The following LDAH variants were observed in gnomAD, a reference collection of about 807,000 sequenced individuals.
LDAH encodes the protein lipid droplet associated hydrolase, also known as lipid droplet-associated hydrolase.
Under a neutral mutation model 29.6 loss-of-function variants are expected in LDAH, and 26 were observed. The observed-to-expected ratio is 0.88, with a 90% CI of 0.64 to 1.22. LDAH has a LOEUF of 1.22. Ranked by LOEUF, LDAH falls within the 50% of genes most tolerant of loss-of-function variation. The probability of loss-of-function intolerance (pLI) is 0.00; values close to 1 mark genes in which losing one functional copy is unlikely to be tolerated. For synonymous variants in LDAH, 117 were observed against 133.0 expected (o/e 0.88, Z 0.83); for missense variants, 344 against 387.3 (o/e 0.89, Z 0.94).
intron 6 of LDAH, among the ~76,000 whole-genome samples, chr2:20,695,641 G>C (rs1161643791): frequency 6.6e-6 from 1 of 151,800 alleles, no homozygotes. Flanking sequence ...GTGGAGACGG[G>C]GTTTCACCAT....
chr2:20,730,992 ATTC>A (rs1296237878), intron 5 of LDAH, among the ~76,000 whole-genome samples: 4 of 152,220 alleles, frequency 2.6e-5, no homozygotes, highest in Admixed American at 1.3e-4. Context: ...CTTCCACTTT[ATTC>A]TTCTTTTACA....
chr2:20,778,239 C>G (rs1669948623), intron 3 of LDAH, among the ~76,000 whole-genome samples: 1 of 152,168 alleles, frequency 6.6e-6, no homozygotes, highest in Non-Finnish European at 1.5e-5. Flanking sequence ...ACAATTTTCT[C>G]TTAGAACCTG....
At chr2:20,782,805 C>A (rs1670286182) in intron 3 of LDAH, among the ~76,000 whole-genome samples, 1 of 151,832 alleles carries the variant, frequency 6.6e-6, no homozygotes, top group Non-Finnish European at 1.5e-5. Flanking sequence ...CTAATAATTT[C>A]TTGTTTTCAA....
chr2:20,779,864 A>C (rs773421268), intron 3 of LDAH, among the ~76,000 whole-genome samples: 2 of 152,178 alleles, frequency 1.3e-5, no homozygotes, highest in South Asian at 2.1e-4. Context: ...TGTAGGGAAA[A>C]TCACCATTGA....
intron 6 of LDAH, among the ~76,000 whole-genome samples, chr2:20,688,978 A>G (rs997065478): frequency 1.3e-5 from 2 of 151,500 alleles, no homozygotes; most frequent in Admixed American, 1.3e-4. Flanking sequence ...TCCTAATGCT[A>G]TCCCTCCCCT....
chr2:20,746,315 C>G (rs954556586), intron 4 of LDAH, among the ~76,000 whole-genome samples: 1 of 152,086 alleles, frequency 6.6e-6, no homozygotes, highest in Non-Finnish European at 1.5e-5. Flanking sequence ...TTAAGCAAAA[C>G]TGCATGTAAG....
rs11693849 is a variant in LDAH, at chr2:20,684,790, C to A, written c.*2113G>T. On this transcript the variant is annotated 3_prime_UTR_variant, in exon 7 of 7. Transcript: ENST00000237822. ...AGGAAGTTAAAACTTTCACAAAGAC[C>A]ATCCATGTGGTTGACTGGGACATAC... The A allele has an allele frequency of 0.27, 380,936 of 1,386,506 alleles. 55,436 individuals are homozygous for A. Among genetic ancestry groups the A allele is most frequent in the Non-Finnish European group, 0.3 (306,427 of 1,024,490 alleles). 85.9% of individuals were successfully genotyped at this position (1,386,506 alleles called of 1,614,324 possible). A position where few individuals can be genotyped will look rare whatever the true frequency, so the allele number is the denominator to read the frequency against.
chr2:20,693,641 G>A (rs572353747), intron 6 of LDAH, among the ~76,000 whole-genome samples: 3 of 152,324 alleles, frequency 2.0e-5, no homozygotes, highest in African/African-American at 7.2e-5. Context: ...TCATAAAGGA[G>A]ACCTGGAGCC....
chr2:20,761,661 C>G (rs1204975606), intron 4 of LDAH, among the ~76,000 whole-genome samples: 2 of 152,056 alleles, frequency 1.3e-5, no homozygotes, highest in Non-Finnish European at 2.9e-5. Context: ...ATATACAAAG[C>G]AAACATAATT....
At chr2:20,714,935 C>G (rs946267161) in intron 5 of LDAH, among the ~76,000 whole-genome samples, 9 of 152,146 alleles carry the variant, frequency 5.9e-5, no homozygotes, top group Non-Finnish European at 8.8e-5. Flanking sequence ...AGATTCATAG[C>G]CGAATTCTAC....
chr2:20,692,893 TCA>T (rs760726174), intron 6 of LDAH, among the ~76,000 whole-genome samples: 3 of 152,194 alleles, frequency 2.0e-5, no homozygotes, highest in African/African-American at 4.8e-5. Flanking sequence ...TGTCTTTATA[TCA>T]CAGTGTGGTA....
chr2:20,791,970 T>C (rs537457997), intron 2 of LDAH, among the ~76,000 whole-genome samples: 28 of 152,310 alleles, frequency 1.8e-4, no homozygotes, highest in Non-Finnish European at 1.8e-4. Context: ...GCCAGGACCA[T>C]ACTGTCTTAA....
intron 5 of LDAH, among the ~76,000 whole-genome samples, chr2:20,710,792 G>C (rs1156824719): frequency 1.3e-5 from 2 of 149,114 alleles, no homozygotes; most frequent in East Asian, 3.9e-4. Context: ...TTTTGGCATA[G>C]GTAGCACTTC....
At chr2:20,688,515 G>A (rs192776901) in intron 6 of LDAH, among the ~76,000 whole-genome samples, 71 of 152,264 alleles carry the variant, frequency 4.7e-4, no homozygotes, top group Non-Finnish European at 2.9e-5. Flanking sequence ...AACCACTCTG[G>A]CCACAACGAG....
intron 5 of LDAH, among the ~76,000 whole-genome samples, chr2:20,719,550 TGAA>T (rs1665495316): frequency 6.6e-6 from 1 of 152,024 alleles, no homozygotes; most frequent in East Asian, 1.9e-4. Context: ...ACCAAACATC[TGAA>T]GAAGAACTAA....
chr2:20,820,428 T>C (rs1673181520), intron 1 of LDAH, among the ~76,000 whole-genome samples: 3 of 152,138 alleles, frequency 2.0e-5, no homozygotes, highest in Admixed American at 6.5e-5. Context: ...TATAGATCAA[T>C]GGAACAGAAC....
intron 3 of LDAH, among the ~76,000 whole-genome samples, chr2:20,781,285 T>G (rs1474129232): frequency 6.6e-6 from 1 of 152,214 alleles, no homozygotes; most frequent in Non-Finnish European, 1.5e-5. Context: ...TGAACATCTG[T>G]TCTTCCAATT....
intron 1 of LDAH, among the ~76,000 whole-genome samples, chr2:20,820,097 G>C (rs925434960): frequency 6.6e-6 from 1 of 151,904 alleles, no homozygotes; most frequent in Non-Finnish European, 1.5e-5. Context: ...ACAAACCACT[G>C]CTCAATGAAA....
rs1049937599 is a variant in LDAH, at chr2:20,798,806, C to T, written c.154+2504G>A. On this transcript the variant is annotated intron_variant, in intron 2 of 6. Transcript: ENST00000237822. The stretch of plus-strand genomic sequence containing the variant: ...AAAACTCAGGAGAATTGCTTGAACC[C>T]GGGAGGCGGAGGTTGCAGTGAGCCG... Among the ~76,000 whole-genome samples the T allele has an allele frequency of 6.6e-5, 10 of 151,480 alleles. No homozygotes were observed. In the East Asian group the frequency reaches 7.8e-4, roughly 12 times the overall value.
Sources: allele counts gnomAD v4.1 joint callset (sites outside exome capture counted in the v4.1 genomes callset), GRCh38; gene constraint gnomAD v4.1.1; transcripts MANE v1.5; gene names NCBI Gene and HGNC (gene_info 2026-07-23, HGNC 2026-07-21).